The following TRPV1 variants were observed in gnomAD, a reference collection of about 807,000 sequenced individuals.
TRPV1 encodes transient receptor potential cation channel subfamily V member 1, also known as OTRPC1.
TRPV1 carries 82 observed loss-of-function variants against 82.3 expected under a neutral mutation model. That is an observed-to-expected ratio of 1.00 (90% CI 0.83 to 1.20). TRPV1 has a LOEUF of 1.20. Ranked by LOEUF, TRPV1 falls within the 50% of genes most tolerant of loss-of-function variation. TRPV1 has a pLI of 0.00. For missense variants in TRPV1, 1,067 were observed against 1,096.8 expected (o/e 0.97, Z 0.38); for synonymous variants, 515 against 467.7 (o/e 1.10, Z -1.30).
chr17:3,577,870 T>G, intron 11 of TRPV1, 107 bp from the exon 12 acceptor site: 1 of 1,070,498 alleles, frequency 9.3e-7, no homozygotes, highest in Non-Finnish European at 1.4e-6. Context: ...CAGGCCGCAA[T>G]AGGAGCTAGG....
rs2075151163 is a variant in TRPV1, at chr17:3,591,072, G to T, written c.496C>A (p.Leu166Met). 1.2e-6 allele frequency: 2 copies of T among 1,613,230 alleles called. No individual in the cohort carries two copies. The highest frequency in any genetic ancestry group is 4.5e-5 in the East Asian group (2 of 44,872). ...ATGGTGGTGTTCTGTCCGTCGTGCA[G>T]GTTGAGCATGGCTTTCAGCAGACAG... ...KTCLLKAMLN[L>M]HDGQNTTIPL... Residue 166 changes from leucine (L) to methionine (M), a missense_variant, in exon 5 of 17, where the codon CTG becomes ATG. Physicochemically the swap from Leu to Met is conservative, Grantham distance 15. Transcript: ENST00000572705.
At chr17:3,592,529 G>A (rs1157365499) in intron 2 of TRPV1, 146 bp from the exon 3 acceptor site, 4 of 802,004 alleles carry the variant, frequency 5.0e-6, no homozygotes, top group South Asian at 1.8e-5. Flanking sequence ...TAGAACTGAA[G>A]TGTTTCCAGG....
chr17:3,566,591 G>A lies in TRPV1; in HGVS notation c.*224C>T. On this transcript the variant is annotated 3_prime_UTR_variant, in exon 17 of 17. Coordinates refer to ENST00000572705, the MANE Select transcript of TRPV1 (RefSeq NM_080704.4). ...TAGTAAAGTGAGTAAAAACCTGAAA[G>A]TCTGTTAGGAGATTCACTTGGGGAC... 2.0e-6 allele frequency: 1 copy of A among 498,022 alleles called. No homozygotes were observed. Among genetic ancestry groups the A allele is most frequent in the Non-Finnish European group, 3.5e-6 (1 of 285,770 alleles). The allele number at this position is 498,022 out of a possible 1,614,324, so 30.9% of individuals were successfully genotyped here. A position where few individuals can be genotyped will look rare whatever the true frequency, so the allele number is the denominator to read the frequency against.
chr17:3,607,198 G>A (rs2075301277), intron 2 of TRPV1, among the ~76,000 whole-genome samples: 1 of 152,060 alleles, frequency 6.6e-6, no homozygotes, highest in African/African-American at 2.4e-5. Context: ...ACAAAAATTA[G>A]CCAGGTGTGG....
rs55990804 is a variant in TRPV1 at position 3,574,917 on chromosome 17, CAA to C, written c.1781-964_1781-963del. On this transcript the variant is annotated intron_variant, in intron 13 of 16. Transcript: ENST00000572705. ...TGGGCGACAGAACGAGACTCTATCT[CAA>C]AAAAAAAAAAAAAAAAAAAAGATGT... Among the ~76,000 whole-genome samples, 610 of 82,918 alleles carry C rather than the reference CAA, an allele frequency of 7.4e-3. 3 individuals are homozygous for C. Among genetic ancestry groups the C allele is most frequent in the African/African-American group, 0.016 (352 of 21,806 alleles). 54.4% of individuals were successfully genotyped at this position (82,918 alleles called of 152,430 possible).
At chr17:3,607,559 CAG>C (rs758870032) in intron 2 of TRPV1, among the ~76,000 whole-genome samples, 46 of 141,010 alleles carry the variant, frequency 3.3e-4, no homozygotes, top group Non-Finnish European at 4.5e-4. Flanking sequence ...TTTTTTGAGG[CAG>C]AGTCTCGCTC....
rs1057112414 is a variant in TRPV1, at chr17:3,590,752, A to G, written c.604+212T>C. 2.6e-5 allele frequency among the ~76,000 whole-genome samples: 4 copies of G among 152,256 alleles called. No individual in the cohort carries two copies. The East Asian group carries it at 7.7e-4, about 29-fold the overall frequency. On this transcript the variant is annotated intron_variant, in intron 5 of 16. Transcript: ENST00000572705. ...ACTTCTCAGGGTCAAGAGAGGAGAC[A>G]TCAGATCGGGGAGGCAGAGACCCCC...
intron 16 of TRPV1, among the ~76,000 whole-genome samples, chr17:3,568,221 C>T (rs1355067845): frequency 1.3e-5 from 2 of 151,036 alleles, no homozygotes; most frequent in Non-Finnish European, 2.9e-5. Flanking sequence ...ACTCGGGAGG[C>T]TGAAGCAGGA....
intron 12 of TRPV1, 46 bp from the exon 13 acceptor site, chr17:3,577,238 G>A: frequency 1.9e-6 from 3 of 1,553,280 alleles, no homozygotes; most frequent in Non-Finnish European, 2.6e-6. Context: ...AGGCCCAGGA[G>A]GAGCTGAGGG....
intron 11 of TRPV1, 99 bp from the exon 12 acceptor site, chr17:3,577,862 G>A: frequency 8.7e-7 from 1 of 1,145,296 alleles, no homozygotes; most frequent in Non-Finnish European, 1.2e-6. Flanking sequence ...CCAGACTGCA[G>A]GCCGCAATAG....
Position 3,573,548 on chromosome 17 carries a change from C to CCCCCCCCCCCCCCCCCCG in TRPV1, c.2103+84_2103+85insCGGGGGGGGGGGGGGGGG. The stretch of plus-strand genomic sequence containing the variant: ...CCACACACCGCCCCCACCACCCACC[C>CCCCCCCCCCCCCCCCCCG]ACCTGCAGCCAGCTGTGTAAGACAG... On this transcript the variant is annotated intron_variant, in intron 14 of 16. Transcript: ENST00000572705. 7.3e-6 allele frequency: 3 copies of CCCCCCCCCCCCCCCCCCG among 411,100 alleles called. 1 individual carries two copies. The highest frequency in any genetic ancestry group is 1.1e-5 in the Non-Finnish European group (3 of 279,480). 25.5% of individuals were successfully genotyped at this position (411,100 alleles called of 1,614,324 possible).
At chr17:3,574,422 C>G (rs2074902075) in intron 13 of TRPV1, among the ~76,000 whole-genome samples, 1 of 152,222 alleles carries the variant, frequency 6.6e-6, no homozygotes, top group Middle Eastern at 3.2e-3. Flanking sequence ...TGCTGCCTAT[C>G]AGTATCCACA....
intron 10 of TRPV1, 129 bp downstream of exon 10, chr17:3,583,209 C>T (rs544453996): frequency 3.0e-5 from 25 of 826,954 alleles, no homozygotes; most frequent in Non-Finnish European, 4.1e-5. Flanking sequence ...TTCACCTCTG[C>T]GTCTCTCAGC....
intron 2 of TRPV1, among the ~76,000 whole-genome samples, chr17:3,601,501 T>G (rs914064755): frequency 6.6e-6 from 1 of 151,342 alleles, no homozygotes; most frequent in Non-Finnish European, 1.5e-5. Flanking sequence ...CCCTCCTCCA[T>G]CCCAGTACCC....
In TRPV1 at chr17:3,570,081, T is replaced by A. The variant is rs376068594; in HGVS notation, c.2347+1443A>T. ...GTTTTAAGGGCACAGAGTTTCCGTG[T>A]GGGATGATTAAAATGTTCTGGAAAA... On this transcript the variant is annotated intron_variant, in intron 16 of 16. Coordinates refer to ENST00000572705, the MANE Select transcript of TRPV1 (RefSeq NM_080704.4). Among the ~76,000 whole-genome samples, 10 of 151,978 alleles carry A rather than the reference T, an allele frequency of 6.6e-5. No individual in the cohort carries two copies. In the East Asian group the frequency reaches 2.0e-3, roughly 30 times the overall value.
chr17:3,575,340 G>A (rs963338830), intron 13 of TRPV1, among the ~76,000 whole-genome samples: 13 of 151,982 alleles, frequency 8.6e-5, no homozygotes, highest in African/African-American at 2.7e-4. Context: ...AAAATTAGCC[G>A]GGCGTGATGA....
intron 7 of TRPV1, 42 bp from the exon 8 acceptor site, chr17:3,588,409 G>C: frequency 2.6e-6 from 4 of 1,543,446 alleles, no homozygotes; most frequent in Non-Finnish European, 3.5e-6. Context: ...CCAGCCCCAG[G>C]CTCAGCCTCA....
intron 10 of TRPV1, among the ~76,000 whole-genome samples, chr17:3,582,491 C>T (rs1014310370): frequency 6.6e-6 from 1 of 152,012 alleles, no homozygotes; most frequent in Non-Finnish European, 1.5e-5. Context: ...AGTTCTCACT[C>T]TTCTTTAAAG....
At position 3,591,062 on chromosome 17, in the gene TRPV1, C is replaced by CCGT; in HGVS notation, c.503_505dup (p.Asp168dup). The stretch of plus-strand genomic sequence containing the variant: ...GAGCAGGGGGATGGTGGTGTTCTGT[C>CCGT]CGTCGTGCAGGTTGAGCATGGCTTT... On this transcript the variant is annotated inframe_insertion, in exon 5 of 17. Transcript: ENST00000572705. 6.2e-7 allele frequency: 1 copy of CCGT among 1,613,110 alleles called. No homozygotes were observed. The highest frequency in any genetic ancestry group is 8.5e-7 in the Non-Finnish European group (1 of 1,179,598).
Sources: allele counts gnomAD v4.1 joint callset (sites outside exome capture counted in the v4.1 genomes callset), GRCh38; gene constraint gnomAD v4.1.1; transcripts MANE v1.5; gene names NCBI Gene and HGNC (gene_info 2026-07-23, HGNC 2026-07-21).